ZZEF1: variants seen among roughly 807,000 people sequenced by gnomAD.
ZZEF1 encodes zinc finger ZZ-type and EF-hand domain containing 1.
Under a neutral mutation model 342.8 loss-of-function variants are expected in ZZEF1, and 157 were observed. That is an observed-to-expected ratio of 0.46 (90% CI 0.40 to 0.52). The LOEUF (loss-of-function observed/expected upper bound fraction) is 0.52. Among genes scored for constraint, ZZEF1 ranks in the 20% least tolerant of loss-of-function variants. The pLI, the probability that ZZEF1 is intolerant of heterozygous loss-of-function variation, is 0.00. For synonymous variants in ZZEF1, 1,505 were observed against 1,429.1 expected, an observed-to-expected ratio of 1.05 and a Z score of -1.20; for missense variants, 3,480 against 3,725.6, an observed-to-expected ratio of 0.93 and a Z score of 1.72.
chr17:4,138,374 A>C (rs1306327554), intron 1 of ZZEF1, among the ~76,000 whole-genome samples: 1 of 152,246 alleles, frequency 6.6e-6, no homozygotes, highest in East Asian at 1.9e-4. Context: ...GCTTTTCTAC[A>C]AACTTCCTGT....
intron 1 of ZZEF1, among the ~76,000 whole-genome samples, chr17:4,134,527 T>C (rs1190865704): frequency 1.3e-5 from 2 of 151,956 alleles, no homozygotes; most frequent in African/African-American, 2.4e-5. Context: ...ACAATTACGA[T>C]ACGAGAACTA....
At position 4,102,456 on chromosome 17, in the gene ZZEF1, T is replaced by G. The variant is rs779596170; in HGVS notation, c.1574-41A>C. 7.0e-6 allele frequency: 11 copies of G among 1,570,924 alleles called. No homozygotes were observed. The Admixed American group carries it at 1.9e-4, about 26-fold the overall frequency. ...GAAGACCAAGCTGTAAGCTAAAATATGAAGAACTGGAAACTAGCATGCCTA... is the reference window on the plus strand; with the variant it reads ...GAAGACCAAGCTGTAAGCTAAAATAGGAAGAACTGGAAACTAGCATGCCTA... On this transcript the variant is annotated intron_variant, in intron 8 of 54. Coordinates refer to ENST00000381638, the MANE Select transcript of ZZEF1 (RefSeq NM_015113.4).
At chr17:4,118,717 A>G (rs184365187) in intron 2 of ZZEF1, among the ~76,000 whole-genome samples, 2 of 152,344 alleles carry the variant, frequency 1.3e-5, no homozygotes, top group African/African-American at 4.8e-5. Flanking sequence ...TCTTGGTTGT[A>G]GGAGGGGCGA....
chr17:4,052,202 C>T, intron 34 of ZZEF1, 66 bp from the exon 35 acceptor site: 3 of 1,455,144 alleles, frequency 2.1e-6, no homozygotes. Context: ...AGTTTCCAAA[C>T]CCAAACCAAC....
At chr17:4,073,442 G>GT (rs11437523) in intron 24 of ZZEF1, among the ~76,000 whole-genome samples, 7,928 of 152,068 alleles carry the variant, frequency 0.052, 713 homozygotes, top group African/African-American at 0.18. Flanking sequence ...TTTTCCTTTT[G>GT]TTTTAAGAGA....
chr17:4,006,806 C>T lies in ZZEF1; in HGVS notation c.*84G>A, dbSNP rs532921928. The T allele has an allele frequency of 1.4e-6, 2 of 1,433,848 alleles. No homozygotes were observed. Among genetic ancestry groups the T allele is most frequent in the African/African-American group, 2.8e-5 (2 of 70,762 alleles). The allele number at this position is 1,433,848 out of a possible 1,614,324, so 88.8% of individuals were successfully genotyped here. ...CAAGGAGAGCTGGGCACTGGCGCTA[C>T]AGGAGTTTTCCTGAATGAGGTTAGA... On this transcript the variant is annotated 3_prime_UTR_variant, in exon 55 of 55. Coordinates refer to ENST00000381638, the MANE Select transcript of ZZEF1 (RefSeq NM_015113.4).
intron 30 of ZZEF1, among the ~76,000 whole-genome samples, chr17:4,061,271 C>T (rs915623102): frequency 6.6e-6 from 1 of 152,200 alleles, no homozygotes; most frequent in Non-Finnish European, 1.5e-5. Flanking sequence ...ATCCATTCTT[C>T]TCTTGACTTC....
intron 12 of ZZEF1, 79 bp from the exon 13 acceptor site, chr17:4,088,972 G>A (rs1176391565): frequency 1.3e-5 from 18 of 1,379,296 alleles, no homozygotes; most frequent in African/African-American, 1.0e-4. Context: ...AGGCCTTTCC[G>A]GGAAGGTCTT....
intron 13 of ZZEF1, among the ~76,000 whole-genome samples, chr17:4,088,421 A>G (rs1471398231): frequency 6.6e-6 from 1 of 152,100 alleles, no homozygotes; most frequent in Non-Finnish European, 1.5e-5. Flanking sequence ...GCTCTTGAAG[A>G]TGTGTCTGTA....
rs143305357 is a variant in ZZEF1 at position 4,130,683 on chromosome 17, G to A, written c.355-6632C>T. Among the ~76,000 whole-genome samples, 285 of 152,082 alleles carry A rather than the reference G, an allele frequency of 1.9e-3. 1 individual carries two copies. The highest frequency in any genetic ancestry group is 6.2e-3 in the African/African-American group (256 of 41,476). On this transcript the variant is annotated intron_variant, in intron 1 of 54. Transcript: ENST00000381638. Reference sequence around the variant, plus strand: ...GGAAATCCGGGGACCAGTTCAAGACGTCCCACATCCAAACAAGAGTTTAAG... The same window carrying A: ...GGAAATCCGGGGACCAGTTCAAGACATCCCACATCCAAACAAGAGTTTAAG...
chr17:4,020,767 G>A (rs1466492752), intron 45 of ZZEF1, among the ~76,000 whole-genome samples: 2 of 152,254 alleles, frequency 1.3e-5, no homozygotes, highest in Non-Finnish European at 2.9e-5. Context: ...AAAGGTAAGA[G>A]TGTATTTCTG....
chr17:4,101,492 T>TAAGGAAA (rs1477505582), intron 9 of ZZEF1, among the ~76,000 whole-genome samples: 1 of 152,050 alleles, frequency 6.6e-6, no homozygotes, highest in Non-Finnish European at 1.5e-5. Flanking sequence ...AAACACCTTA[T>TAAGGAAA]CACGAGATAA....
chr17:4,048,710 G>T (rs904250797), intron 37 of ZZEF1, among the ~76,000 whole-genome samples: 5 of 151,996 alleles, frequency 3.3e-5, no homozygotes, highest in African/African-American at 1.2e-4. Context: ...GGCTAGGAAT[G>T]ACTTTTTTTT....
At chr17:4,090,249 T>C (rs531288804) in intron 12 of ZZEF1, among the ~76,000 whole-genome samples, 3 of 142,072 alleles carry the variant, frequency 2.1e-5, no homozygotes, top group African/African-American at 8.2e-5. Context: ...GGATGCTGTG[T>C]TCTCACTATT....
Position 4,049,858 on chromosome 17 carries a change from G to A in ZZEF1, c.5865C>T (p.Gly1955=), listed in dbSNP as rs1396344778. The A allele has an allele frequency of 5.6e-6, 9 of 1,613,020 alleles. No homozygotes were observed. Among genetic ancestry groups the A allele is most frequent in the Non-Finnish European group, 7.6e-6 (9 of 1,179,720 alleles). Residue 1955 remains glycine, a splice_region_variant and synonymous_variant, in exon 37 of 55, where the codon GGC becomes GGT. Coordinates refer to ENST00000381638, the MANE Select transcript of ZZEF1 (RefSeq NM_015113.4). ...CACCCAGCAAAGCTAGAGCTTTAAG[G>A]CCTATGTGGGAAGCAAATCAGAGAA... The part of the protein sequence containing the change: ...DCLMKAHQGK[G]LKALALLGVL...
rs752965668 is a variant in ZZEF1 at position 4,064,532 on chromosome 17, G to A, written c.4547C>T (p.Pro1516Leu). The A allele has an allele frequency of 3.7e-6, 6 of 1,614,086 alleles. No homozygotes were observed. Among genetic ancestry groups the A allele is most frequent in the South Asian group, 1.1e-5 (1 of 91,090 alleles). Residue 1516 changes from proline to leucine, a missense_variant, in exon 29 of 55, where the codon CCC becomes CTC. This residue lies in a region of ZZEF1 where 1,528 missense variants were observed against 1,624.1 expected (regional missense o/e 0.94). Transcript: ENST00000381638. ...ADVSPATAEEPLSPSTPTRRP... is the reference protein window; with the variant it reads ...ADVSPATAEELLSPSTPTRRP... The stretch of plus-strand genomic sequence containing the variant: ...GCGGGTGGGTGTGGAAGGTGACAAG[G>A]GCTCTTCAGCTGTGGCAGGGGACAC...
chr17:4,122,764 T>C (rs1361608487), intron 2 of ZZEF1, among the ~76,000 whole-genome samples: 1 of 152,166 alleles, frequency 6.6e-6, no homozygotes, highest in African/African-American at 2.4e-5. Flanking sequence ...ACAATTTCAG[T>C]TACCTGTGGT....
intron 33 of ZZEF1, among the ~76,000 whole-genome samples, chr17:4,054,574 A>G (rs2057116680): frequency 6.6e-6 from 1 of 152,236 alleles, no homozygotes; most frequent in Non-Finnish European, 1.5e-5. Context: ...AGCAAATTTG[A>G]CAGACAGCAA....
chr17:4,026,484 C>T (rs1435729508), intron 42 of ZZEF1, among the ~76,000 whole-genome samples: 2 of 150,710 alleles, frequency 1.3e-5, no homozygotes, highest in Non-Finnish European at 2.9e-5. Flanking sequence ...CCAGAATCTA[C>T]ACAAGCCAGA....
Sources: gnomAD v4.1 joint callset for allele counts (sites outside exome capture counted in the v4.1 genomes callset) on GRCh38, gnomAD v4.1.1 for gene constraint, gnomAD v4.1.1 regional missense constraint, MANE v1.5 for transcripts, NCBI Gene and HGNC (gene_info 2026-07-23, HGNC 2026-07-21) for gene names.